Variants in GPR89B observed in about 807,000 individuals in gnomAD.
GPR89B encodes golgi pH regulator B, also known as G protein-coupled receptor 89B.
In GPR89B, 25 loss-of-function variants were observed where a neutral mutation model predicts 52.4. The observed-to-expected ratio is 0.48, with a 90% CI of 0.35 to 0.67. GPR89B has a LOEUF of 0.67. Ranked by LOEUF, GPR89B falls within the 30% of genes least tolerant of loss-of-function variation. The pLI, the probability that GPR89B is intolerant of heterozygous loss-of-function variation, is 0.01. For missense variants in GPR89B, 146 were observed against 450.2 expected (o/e 0.32, Z 6.11); for synonymous variants, 52 against 151.2 (o/e 0.34, Z 4.81).
intron 7 of GPR89B, among the ~76,000 whole-genome samples, chr1:147,965,873 GTCTCACTC>G (rs1461424227): frequency 6.6e-6 from 1 of 151,748 alleles, no homozygotes; most frequent in Non-Finnish European, 1.5e-5. Flanking sequence ...TTGAGATGGA[GTCTCACTC>G]TGTCACCTGG....
chr1:147,978,056 T>C (rs1286674547), intron 10 of GPR89B, among the ~76,000 whole-genome samples: 2 of 150,710 alleles, frequency 1.3e-5, no homozygotes, highest in Non-Finnish European at 1.5e-5. Context: ...TTGTGATCAT[T>C]TGGAGAAGAG....
At chr1:147,977,604 C>T (rs1344725815) in intron 10 of GPR89B, among the ~76,000 whole-genome samples, 3 of 151,228 alleles carry the variant, frequency 2.0e-5, no homozygotes, top group South Asian at 2.1e-4. Context: ...CCGTTCTCCC[C>T]GTCTCTTCCA....
chr1:147,939,340 C>T (rs1359861160), intron 3 of GPR89B, among the ~76,000 whole-genome samples: 5 of 151,974 alleles, frequency 3.3e-5, no homozygotes, highest in Admixed American at 6.6e-5. Context: ...TCTTTACTCC[C>T]CTCCAAATAA....
intron 3 of GPR89B, among the ~76,000 whole-genome samples, chr1:147,940,498 A>G (rs1337066687): frequency 8.5e-5 from 13 of 152,062 alleles, no homozygotes; most frequent in African/African-American, 3.1e-4. Flanking sequence ...ATTATTTTAC[A>G]TAATGGTTAT....
At chr1:148,003,839 C>G in the GPR89B span, 1 of 587,360 alleles carries the variant, frequency 1.7e-6, no homozygotes, top group Non-Finnish European at 3.0e-6. Flanking sequence ...TGCTTCCTTT[C>G]TTCATCTCCA....
chr1:147,980,997 A>G (rs1658204903), intron 10 of GPR89B, among the ~76,000 whole-genome samples: 1 of 151,250 alleles, frequency 6.6e-6, no homozygotes, highest in Admixed American at 6.6e-5. Flanking sequence ...ATATTGTTTT[A>G]TGATTGGCTT....
chr1:147,977,921 G>A (rs1451668062), intron 10 of GPR89B, among the ~76,000 whole-genome samples: 1 of 151,892 alleles, frequency 6.6e-6, no homozygotes, highest in East Asian at 1.9e-4. Flanking sequence ...CTTTGCATTG[G>A]GTTAGAACAT....
intron 10 of GPR89B, among the ~76,000 whole-genome samples, chr1:147,983,819 A>G (rs1308821876): frequency 3.3e-5 from 5 of 151,988 alleles, no homozygotes; most frequent in Admixed American, 3.3e-4. Context: ...CAGCCATCCC[A>G]TTACTGGGTA....
chr1:148,014,567 CCCCGCCACATAAGGGG>C, the GPR89B span: 5 of 151,726 alleles, frequency 3.3e-5, no homozygotes, highest in South Asian at 6.2e-4. Context: ...ACTGTATGTC[CCCCGCCACATAAGGGG>C]AGAGGAGGGA....
intron 5 of GPR89B, among the ~76,000 whole-genome samples, chr1:147,950,714 C>T (rs587638811): frequency 7.9e-5 from 12 of 152,146 alleles, no homozygotes; most frequent in African/African-American, 2.4e-4. Context: ...GCGGATCACT[C>T]GCAGTTCGGA....
chr1:147,963,504 T>A (rs1276266408), intron 7 of GPR89B, among the ~76,000 whole-genome samples: 36 of 151,020 alleles, frequency 2.4e-4, no homozygotes, highest in Non-Finnish European at 5.0e-4. Context: ...AGCTTACATT[T>A]AAAAAAAATG....
At chr1:147,969,771 T>C in intron 9 of GPR89B, 96 bp from the exon 10 acceptor site, 1 of 1,521,884 alleles carries the variant, frequency 6.6e-7, no homozygotes, top group Non-Finnish European at 8.8e-7. Context: ...GTTTTTTGAC[T>C]GAACCTGAAC....
intron 7 of GPR89B, among the ~76,000 whole-genome samples, chr1:147,964,495 T>C (rs1254133731): frequency 6.6e-6 from 1 of 150,840 alleles, no homozygotes; most frequent in African/African-American, 2.4e-5. Context: ...TAAAGAAAAG[T>C]TGAAGATGAA....
intron 8 of GPR89B, chr1:147,968,603 A>C: frequency 1.8e-6 from 1 of 550,286 alleles, no homozygotes; most frequent in Non-Finnish European, 3.3e-6. Context: ...AAATCAAAAA[A>C]CAAATGAAAC....
the GPR89B span, among the ~76,000 whole-genome samples, chr1:148,019,125 C>T: frequency 1.1e-3 from 158 of 150,334 alleles, no homozygotes; most frequent in South Asian, 8.2e-3. Flanking sequence ...TATAGGCACG[C>T]GCCACCATGC....
chr1:147,956,357 T>A (rs1393907769), intron 7 of GPR89B, among the ~76,000 whole-genome samples: 74 of 152,382 alleles, frequency 4.9e-4, no homozygotes, highest in African/African-American at 1.7e-3. Flanking sequence ...CTTTTATTCA[T>A]GATTGCCTTG....
At chr1:147,928,716 G>A in intron 1 of GPR89B, 138 bp downstream of exon 1, 1 of 1,307,690 alleles carries the variant, frequency 7.6e-7, no homozygotes, top group Non-Finnish European at 1.1e-6. Flanking sequence ...GGCACACAGA[G>A]AGGGTGTGCG....
chr1:148,020,923 C>G, the GPR89B span, among the ~76,000 whole-genome samples: 4 of 151,602 alleles, frequency 2.6e-5, no homozygotes, highest in Admixed American at 6.6e-5. Context: ...ACTGACCTCA[C>G]ATGATCCACC....
the GPR89B span, among the ~76,000 whole-genome samples, chr1:148,019,902 G>A: frequency 6.6e-6 from 1 of 151,846 alleles, no homozygotes; most frequent in East Asian, 1.9e-4. Flanking sequence ...GGCATAAGAA[G>A]TTAAAAGCAA....
Sources: gnomAD v4.1 joint callset for allele counts (sites outside exome capture counted in the v4.1 genomes callset) on GRCh38, gnomAD v4.1.1 for gene constraint, MANE v1.5 for transcripts, NCBI Gene and HGNC (gene_info 2026-07-23, HGNC 2026-07-21) for gene names.